USP8: variants seen among roughly 807,000 people sequenced by gnomAD.
The protein encoded by USP8 is ubiquitin carboxyl-terminal hydrolase 8.
A neutral mutation model predicts 130.0 loss-of-function variants in USP8; 27 were observed. The ratio of observed to expected loss-of-function variants is 0.21; its 90% CI spans 0.15 to 0.29. The LOEUF is 0.29. Among genes scored for constraint, USP8 ranks in the 10% least tolerant of loss-of-function variants. The probability of loss-of-function intolerance (pLI) is 1.00; values close to 1 mark genes in which losing one functional copy is unlikely to be tolerated. For synonymous variants in USP8, 392 were observed against 444.1 expected (o/e 0.88, Z 1.48); for missense variants, 1,029 against 1,312.2 (o/e 0.78, Z 3.33).
rs1222065853 is a variant in USP8, at chr15:50,504,982, A to G, written c.*5894A>G. 7.0e-6 allele frequency: 1 copy of G among 142,112 alleles called. No homozygotes were observed. Among genetic ancestry groups the G allele is most frequent in the East Asian group, 2.0e-4 (1 of 4,968 alleles). 8.8% of individuals were successfully genotyped at this position (142,112 alleles called of 1,614,324 possible). On this transcript the variant is annotated 3_prime_UTR_variant, in exon 20 of 20. Transcript: ENST00000307179. ...GGGTGACAGAGTGAGACTCCATCTC[A>G]AAAAAAAAAAAAAAAGAATAAACTA...
At chr15:50,466,956 G>A (rs1341326028) in intron 7 of USP8, 12 of 459,874 alleles carry the variant, frequency 2.6e-5, no homozygotes, top group East Asian at 8.5e-5. Context: ...TTTTGGTGAC[G>A]GTTCTAAGAC....
At chr15:50,451,607 T>C (rs2141268967) in intron 4 of USP8, among the ~76,000 whole-genome samples, 1 of 152,360 alleles carries the variant, frequency 6.6e-6, no homozygotes, top group East Asian at 1.9e-4. Flanking sequence ...GTATAGGTTA[T>C]TTTGCAGCTA....
intron 8 of USP8, among the ~76,000 whole-genome samples, chr15:50,475,066 A>G (rs1046155177): frequency 6.6e-5 from 10 of 152,200 alleles, no homozygotes; most frequent in African/African-American, 2.2e-4. Context: ...CCGAGATCGC[A>G]CCACTTCACT....
At chr15:50,456,571 C>A (rs1439960743) in intron 4 of USP8, among the ~76,000 whole-genome samples, 1 of 122,702 alleles carries the variant, frequency 8.1e-6, no homozygotes, top group East Asian at 2.8e-4. Flanking sequence ...GAGACTCCGT[C>A]TCAAAAAAAA....
chr15:50,427,710 C>T (rs990787011), intron 1 of USP8, among the ~76,000 whole-genome samples: 7 of 151,786 alleles, frequency 4.6e-5, no homozygotes, highest in Non-Finnish European at 8.8e-5. Flanking sequence ...TAGGCACCTG[C>T]CACCATGCCC....
In USP8 at chr15:50,476,251, G is replaced by A. The variant is rs370692714; in HGVS notation, c.850-598G>A. Reference sequence around the variant, plus strand: ...TCGAGACCAGCCTGGGCAACATGGCGAAACCCCAGCTCACGAAAAGTACAA... The same window carrying A: ...TCGAGACCAGCCTGGGCAACATGGCAAAACCCCAGCTCACGAAAAGTACAA... On this transcript the variant is annotated intron_variant, in intron 8 of 19. Transcript: ENST00000307179. Among the ~76,000 whole-genome samples the A allele has an allele frequency of 4.6e-5, 7 of 152,262 alleles. No individual in the cohort carries two copies. The East Asian group carries it at 9.6e-4, about 21-fold the overall frequency.
In USP8 at chr15:50,451,375, C is replaced by G. The variant is rs1333726544; in HGVS notation, c.335+1890C>G. ...GCAGTGAACTGAGATCTTGCCACTGCACTCTAGCCTGGGCGACAGAGTGAG... is the reference window on the plus strand; with the variant it reads ...GCAGTGAACTGAGATCTTGCCACTGGACTCTAGCCTGGGCGACAGAGTGAG... On this transcript the variant is annotated intron_variant, in intron 4 of 19. Transcript: ENST00000307179. Among the ~76,000 whole-genome samples, 3 of 152,288 alleles carry G rather than the reference C, an allele frequency of 2.0e-5. No homozygotes were observed. In the East Asian group the frequency reaches 5.8e-4, roughly 29 times the overall value.
At chr15:50,457,877 GAAAAGAAAAAA>G (rs980231730) in intron 4 of USP8, among the ~76,000 whole-genome samples, 3 of 102,992 alleles carry the variant, frequency 2.9e-5, no homozygotes, top group East Asian at 2.5e-4. Context: ...AAAAAGAAAA[GAAAAGAAAAAA>G]AAAAGAAAAA....
rs1263271131 is a variant in USP8 at position 50,510,361 on chromosome 15, T to A, written c.*11273T>A. The A allele has an allele frequency of 6.6e-6, 1 of 152,074 alleles. No homozygotes were observed. The highest frequency in any genetic ancestry group is 1.5e-5 in the Non-Finnish European group (1 of 68,006). 9.4% of individuals were successfully genotyped at this position (152,074 alleles called of 1,614,324 possible). On this transcript the variant is annotated 3_prime_UTR_variant, in exon 20 of 20. Coordinates refer to ENST00000307179, the MANE Select transcript of USP8 (RefSeq NM_005154.5). The stretch of plus-strand genomic sequence containing the variant: ...CAGAAAAGGACTAACTAGAAAAGAT[T>A]GATGTTCCAACCAAATTAAAACTTG...
intron 8 of USP8, among the ~76,000 whole-genome samples, chr15:50,475,736 G>A (rs1442892853): frequency 6.6e-6 from 1 of 152,064 alleles, no homozygotes; most frequent in Non-Finnish European, 1.5e-5. Context: ...CCAAGTAGCT[G>A]GGATTATAGG....
intron 1 of USP8, among the ~76,000 whole-genome samples, chr15:50,430,283 GT>G (rs888491164): frequency 2.7e-4 from 41 of 152,232 alleles, no homozygotes; most frequent in African/African-American, 9.6e-4. Context: ...GGAGGTGGAG[GT>G]TTTGGTGAGC....
chr15:50,507,445 T>C lies in USP8; in HGVS notation c.*8357T>C, dbSNP rs934394001. ...TTAGGGATGCTCAACTTGTCGTAGG[T>C]AGATATGACCAAGAGAAAGCTGAAG... On this transcript the variant is annotated 3_prime_UTR_variant, in exon 20 of 20. Transcript: ENST00000307179. The C allele has an allele frequency of 4.6e-5, 7 of 152,160 alleles. No homozygotes were observed. The highest frequency in any genetic ancestry group is 1.7e-4 in the African/African-American group (7 of 41,418). 9.4% of individuals were successfully genotyped at this position (152,160 alleles called of 1,614,324 possible). A position where few individuals can be genotyped will look rare whatever the true frequency, so the allele number is the denominator to read the frequency against.
At chr15:50,471,461 T>A (rs1354740277) in intron 7 of USP8, among the ~76,000 whole-genome samples, 172 bp from the exon 8 acceptor site, 1 of 152,218 alleles carries the variant, frequency 6.6e-6, no homozygotes, top group Non-Finnish European at 1.5e-5. Context: ...GTGAAGGGGT[T>A]AAACATGTTA....
In USP8 at chr15:50,474,104, A is replaced by G. The variant is rs373742998; in HGVS notation, c.849+2309A>G. 8.6e-4 allele frequency among the ~76,000 whole-genome samples: 131 copies of G among 152,222 alleles called. 1 individual carries two copies. Among genetic ancestry groups the G allele is most frequent in the East Asian group, 5.4e-3 (28 of 5,178 alleles). On this transcript the variant is annotated intron_variant, in intron 8 of 19. Coordinates refer to ENST00000307179, the MANE Select transcript of USP8 (RefSeq NM_005154.5). ...ACTGCAGCCTTGACATCCTGTGCTC[A>G]GGTAGTCCTCCCAACTCAGCCTCCT...
Position 50,439,058 on chromosome 15 carries a change from G to A in USP8, c.-16G>A, listed in dbSNP as rs780999691. On this transcript the variant is annotated 5_prime_UTR_variant, in exon 2 of 20. Coordinates refer to ENST00000307179, the MANE Select transcript of USP8 (RefSeq NM_005154.5). ...TAGCATCCATTGTGAAAGTGGAAAA[G>A]TAAAGATAATTCATCATGCCTGCTG... The A allele has an allele frequency of 6.3e-7, 1 of 1,586,246 alleles. No individual in the cohort carries two copies. The highest frequency in any genetic ancestry group is 8.6e-7 in the Non-Finnish European group (1 of 1,158,362).
Position 50,508,078 on chromosome 15 carries a change from A to G in USP8, c.*8990A>G. ...GTGCAAGACTCTGTCTCAAAAAAAA[A>G]AAAAAAAAAAAAAAAAGATTAGTTT... On this transcript the variant is annotated 3_prime_UTR_variant, in exon 20 of 20. Coordinates refer to ENST00000307179, the MANE Select transcript of USP8 (RefSeq NM_005154.5). 6.6e-6 allele frequency: 1 copy of G among 151,278 alleles called. No individual in the cohort carries two copies. Among genetic ancestry groups the G allele is most frequent in the Non-Finnish European group, 1.5e-5 (1 of 67,746 alleles). The allele number at this position is 151,278 out of a possible 1,614,324, so 9.4% of individuals were successfully genotyped here.
At chr15:50,478,615 A>G (rs1164055800) in intron 10 of USP8, among the ~76,000 whole-genome samples, 1 of 152,210 alleles carries the variant, frequency 6.6e-6, no homozygotes, top group Non-Finnish European at 1.5e-5. Flanking sequence ...TAAAGGGTGA[A>G]TTTAGGAAAG....
intron 1 of USP8, 193 bp downstream of exon 1, chr15:50,424,707 C>T: frequency 2.6e-6 from 1 of 391,298 alleles, no homozygotes. Flanking sequence ...TTTACGCCAT[C>T]TACCTAGGAT....
At chr15:50,447,674 T>C (rs1419572093) in intron 3 of USP8, among the ~76,000 whole-genome samples, 1 of 152,028 alleles carries the variant, frequency 6.6e-6, no homozygotes, top group Non-Finnish European at 1.5e-5. Context: ...GTGATTCTCC[T>C]GCCTCAGCCT....
Sources: allele counts gnomAD v4.1 joint callset (sites outside exome capture counted in the v4.1 genomes callset), GRCh38; gene constraint gnomAD v4.1.1; transcripts MANE v1.5; gene names NCBI Gene and HGNC (gene_info 2026-07-23, HGNC 2026-07-21).